The following NBAS variants were observed in gnomAD, a reference collection of about 807,000 sequenced individuals.
NBAS encodes the protein NBAS subunit of NRZ tethering complex, also known as NAG/BC035112 fusion.
A neutral mutation model predicts 302.5 loss-of-function variants in NBAS; 219 were observed. The ratio of observed to expected loss-of-function variants is 0.72; its 90% CI spans 0.65 to 0.81. The LOEUF is 0.81. Among genes scored for constraint, NBAS ranks in the 30% least tolerant of loss-of-function variants. The pLI, the probability that NBAS is intolerant of heterozygous loss-of-function variation, is 0.00. For missense variants in NBAS, 2,932 were observed against 2,841.6 expected, an observed-to-expected ratio of 1.03 and a Z score of -0.72; for synonymous variants, 1,118 against 1,021.6, an observed-to-expected ratio of 1.09 and a Z score of -1.80.
chr2:15,400,158 C>T (rs773600618), intron 26 of NBAS, among the ~76,000 whole-genome samples: 3 of 151,084 alleles, frequency 2.0e-5, no homozygotes, highest in Non-Finnish European at 4.4e-5. Context: ...AGATGGACAA[C>T]AGACACAGAG....
the NBAS span, among the ~76,000 whole-genome samples, chr2:15,031,734 T>A: frequency 2.0e-5 from 3 of 152,238 alleles, no homozygotes; most frequent in Non-Finnish European, 2.9e-5. Flanking sequence ...TGTGGCTGAC[T>A]AGCTGCTCAG....
intron 14 of NBAS, among the ~76,000 whole-genome samples, chr2:15,475,110 G>T (rs955823659): frequency 2.6e-5 from 4 of 152,196 alleles, no homozygotes; most frequent in African/African-American, 4.8e-5. Flanking sequence ...AGCTGGCTTA[G>T]ATTTTAAGCC....
chr2:15,551,077 C>T lies in NBAS; in HGVS notation c.379+416G>A, dbSNP rs551274962. On this transcript the variant is annotated intron_variant, in intron 6 of 51. Transcript: ENST00000281513. ...CAGGTCTTTTTGCTCACAATCATTCCTCAAGCAACCAGCAAAACAGCACAT... is the reference window on the plus strand; with the variant it reads ...CAGGTCTTTTTGCTCACAATCATTCTTCAAGCAACCAGCAAAACAGCACAT... Among the ~76,000 whole-genome samples the T allele has an allele frequency of 6.6e-5, 10 of 152,164 alleles. No individual in the cohort carries two copies. The South Asian group carries it at 2.1e-3, about 32-fold the overall frequency.
the NBAS span, among the ~76,000 whole-genome samples, chr2:14,949,815 TC>T: frequency 6.6e-6 from 1 of 152,162 alleles, no homozygotes; most frequent in African/African-American, 2.4e-5. Context: ...TACCACATGT[TC>T]TCACTCATAT....
the NBAS span, among the ~76,000 whole-genome samples, chr2:14,954,422 A>C: frequency 1.3e-5 from 2 of 152,168 alleles, no homozygotes; most frequent in South Asian, 4.1e-4. Flanking sequence ...AGCAGGCAGG[A>C]CACATGCTGA....
intron 50 of NBAS, among the ~76,000 whole-genome samples, chr2:15,183,980 T>C (rs1196482202): frequency 1.3e-5 from 2 of 152,182 alleles, no homozygotes; most frequent in Non-Finnish European, 2.9e-5. Flanking sequence ...CTGTAGACAC[T>C]TACTAGGAAG....
chr2:15,008,809 A>T, the NBAS span, among the ~76,000 whole-genome samples: 7 of 152,362 alleles, frequency 4.6e-5, no homozygotes, highest in East Asian at 1.3e-3. Flanking sequence ...AGTAGCAAAA[A>T]TAAATAAATT....
At chr2:15,248,496 C>T (rs1305282023) in intron 44 of NBAS, among the ~76,000 whole-genome samples, 1 of 152,064 alleles carries the variant, frequency 6.6e-6, no homozygotes, top group African/African-American at 2.4e-5. Flanking sequence ...AAACAAAAAA[C>T]CCTTCAAAAA....
At chr2:14,811,778 T>A in the NBAS span, among the ~76,000 whole-genome samples, 1 of 152,074 alleles carries the variant, frequency 6.6e-6, no homozygotes, top group East Asian at 1.9e-4. Flanking sequence ...AATCTAGGAA[T>A]GTAAATGATG....
chr2:14,880,133 A>G, the NBAS span, among the ~76,000 whole-genome samples: 1 of 152,190 alleles, frequency 6.6e-6, no homozygotes. Context: ...ACCCCTCAAA[A>G]GAAAGTTTTT....
chr2:15,402,298 G>A lies in NBAS; in HGVS notation c.2941C>T (p.Gln981Ter). Residue 981 changes from glutamine (Q) to a stop codon, truncating the protein, a stop_gained, in exon 26 of 52, where the codon CAG becomes TAG. Coordinates refer to ENST00000281513, the MANE Select transcript of NBAS (RefSeq NM_015909.4). LOFTEE classifies it high-confidence loss of function. ...KIFQHSKPDL[Q>*]QKIIPDQDQL... ...TCCTGATCAGGAATAATTTTTTGCTGCAGCTACAGAAAATAAAGTATGTTG... is the reference window on the plus strand; with the variant it reads ...TCCTGATCAGGAATAATTTTTTGCTACAGCTACAGAAAATAAAGTATGTTG... The A allele has an allele frequency of 6.2e-7, 1 of 1,613,304 alleles. No individual in the cohort carries two copies. The highest frequency in any genetic ancestry group is 8.5e-7 in the Non-Finnish European group (1 of 1,179,512).
the NBAS span, among the ~76,000 whole-genome samples, chr2:14,967,464 T>C: frequency 6.6e-6 from 1 of 152,098 alleles, no homozygotes. Flanking sequence ...GAAAACAGCA[T>C]AGAAAAGTTA....
chr2:14,899,834 C>T, the NBAS span, among the ~76,000 whole-genome samples: 1 of 151,792 alleles, frequency 6.6e-6, no homozygotes, highest in Non-Finnish European at 1.5e-5. Context: ...TTTCAGGAGC[C>T]TAAGAAAAGA....
chr2:14,978,597 T>G, the NBAS span, among the ~76,000 whole-genome samples: 1 of 152,162 alleles, frequency 6.6e-6, no homozygotes, highest in Non-Finnish European at 1.5e-5. Context: ...AACTAACACT[T>G]GTTAAATTGA....
chr2:15,539,185 T>G (rs765897136), intron 7 of NBAS, 38 bp downstream of exon 7: 1 of 1,613,508 alleles, frequency 6.2e-7, no homozygotes, highest in Non-Finnish European at 8.5e-7. Context: ...TACATGACAT[T>G]GAAAAAACTA....
At chr2:15,453,283 T>C (rs572841416) in intron 21 of NBAS, among the ~76,000 whole-genome samples, 15 of 152,298 alleles carry the variant, frequency 9.8e-5, no homozygotes, top group Admixed American at 6.5e-4. Flanking sequence ...TTAAAGCATG[T>C]AGAGCACAAA....
At position 15,275,664 on chromosome 2, in the gene NBAS, G is replaced by A. The variant is rs374289500; in HGVS notation, c.5544C>T (p.Thr1848=). Residue 1848 remains threonine (T), a synonymous_variant, in exon 44 of 52, where the codon ACC becomes ACT. Coordinates refer to ENST00000281513, the MANE Select transcript of NBAS (RefSeq NM_015909.4). ...GQMLSPSSLY[T]IWLQKLFWTG... Reference sequence around the variant, plus strand: ...TCCAGAACAACTTCTGTAACCAGATGGTGTACAGAGAGCTTGGGGAAAGCA... The same window carrying A: ...TCCAGAACAACTTCTGTAACCAGATAGTGTACAGAGAGCTTGGGGAAAGCA... 1 of 1,614,166 alleles carries A rather than the reference G, an allele frequency of 6.2e-7. No individual in the cohort carries two copies. The highest frequency in any genetic ancestry group is 8.5e-7 in the Non-Finnish European group (1 of 1,180,020).
chr2:15,415,562 T>A lies in NBAS; in HGVS notation c.2921A>T (p.Gln974Leu), dbSNP rs199720167. 1 of 1,614,124 alleles carries A rather than the reference T, an allele frequency of 6.2e-7. No homozygotes were observed. Among genetic ancestry groups the A allele is most frequent in the Non-Finnish European group, 8.5e-7 (1 of 1,179,976 alleles). ...GDLKFPLKIF[Q>L]HSKPDLQQKI... is the part of the protein sequence containing the mutation. ...TCTACTTACATCTGGTTTGGAATGC[T>A]GAAATATCTTCAGGGGAAATTTTAA... The change falls in exon 25 of 52, where the codon CAG becomes CTG. Residue 974 changes from glutamine to leucine, a missense_variant. Transcript: ENST00000281513.
At chr2:15,128,945 G>T in the NBAS span, among the ~76,000 whole-genome samples, 1 of 152,232 alleles carries the variant, frequency 6.6e-6, no homozygotes, top group East Asian at 1.9e-4. Context: ...GATTCAAAAG[G>T]AACTGTGGAG....
Sources: gnomAD v4.1 joint callset for allele counts (sites outside exome capture counted in the v4.1 genomes callset) on GRCh38, gnomAD v4.1.1 for gene constraint, MANE v1.5 for transcripts, NCBI Gene and HGNC (gene_info 2026-07-23, HGNC 2026-07-21) for gene names.